Variants in SEMA5A observed in about 807,000 individuals in gnomAD.
The protein encoded by SEMA5A is semaphorin-5A.
A neutral mutation model predicts 135.5 loss-of-function variants in SEMA5A; 55 were observed. The observed-to-expected ratio is 0.41, with a 90% confidence interval of 0.33 to 0.51. SEMA5A has a LOEUF of 0.51. Among genes scored for constraint, SEMA5A ranks in the 20% least tolerant of loss-of-function variants. The pLI, the probability that SEMA5A is intolerant of heterozygous loss-of-function variation, is 0.37. For synonymous variants in SEMA5A, 580 were observed against 546.5 expected, an observed-to-expected ratio of 1.06 and a Z score of -0.85; for missense variants, 1,290 against 1,419.9, an observed-to-expected ratio of 0.91 and a Z score of 1.47.
intron 1 of SEMA5A, among the ~76,000 whole-genome samples, chr5:9,496,966 T>C (rs1030393569): frequency 1.3e-5 from 2 of 152,240 alleles, no homozygotes; most frequent in Non-Finnish European, 2.9e-5. Flanking sequence ...TTAATATGCA[T>C]AGAGAGAACA....
chr5:9,123,203 G>A (rs1740911597), intron 13 of SEMA5A, among the ~76,000 whole-genome samples: 2 of 135,548 alleles, frequency 1.5e-5, no homozygotes, highest in Admixed American at 8.5e-5. Context: ...AGCTTGCAGT[G>A]AGCCGAGATC....
intron 1 of SEMA5A, among the ~76,000 whole-genome samples, chr5:9,483,329 GGAAAGA>G: frequency 6.6e-6 from 1 of 151,962 alleles, no homozygotes; most frequent in Non-Finnish European, 1.5e-5. Context: ...TCTCAGTAAG[GGAAAGA>G]TTTCTCGTCC....
chr5:9,167,988 TAGC>T (rs1309074550), intron 11 of SEMA5A, among the ~76,000 whole-genome samples: 1 of 152,150 alleles, frequency 6.6e-6, no homozygotes, highest in East Asian at 1.9e-4. Flanking sequence ...TGCCAAGAAA[TAGC>T]AGAATAACCA....
chr5:9,351,943 A>G (rs1046322004), intron 3 of SEMA5A, among the ~76,000 whole-genome samples: 6 of 152,002 alleles, frequency 3.9e-5, no homozygotes, highest in African/African-American at 7.3e-5. Flanking sequence ...GCTGCTTTTC[A>G]CTTCTCTCTC....
At chr5:9,431,114 T>C (rs1757841879) in intron 2 of SEMA5A, among the ~76,000 whole-genome samples, 1 of 152,210 alleles carries the variant, frequency 6.6e-6, no homozygotes, top group Non-Finnish European at 1.5e-5. Flanking sequence ...CTAGCTGGAA[T>C]ATTGTGATTG....
chr5:9,312,119 A>G (rs1419776895), intron 5 of SEMA5A, among the ~76,000 whole-genome samples: 1 of 152,148 alleles, frequency 6.6e-6, no homozygotes. Flanking sequence ...AGATGGGCAA[A>G]TGCTGTGAAT....
chr5:9,222,493 G>T (rs1021704594), intron 8 of SEMA5A, among the ~76,000 whole-genome samples: 2 of 152,140 alleles, frequency 1.3e-5, no homozygotes, highest in African/African-American at 4.8e-5. Flanking sequence ...GGGGAGGGCG[G>T]TGGAAATGCT....
chr5:9,473,292 CAAACTT>C (rs1759545336), intron 1 of SEMA5A, among the ~76,000 whole-genome samples: 1 of 133,394 alleles, frequency 7.5e-6, no homozygotes, highest in African/African-American at 2.8e-5. Flanking sequence ...ATAACAAAAA[CAAACTT>C]AAAAACTCTA....
chr5:9,107,117 A>G (rs961429028), intron 16 of SEMA5A, among the ~76,000 whole-genome samples: 1 of 152,202 alleles, frequency 6.6e-6, no homozygotes, highest in Non-Finnish European at 1.5e-5. Flanking sequence ...GCAAAGGCCA[A>G]CTGGAAAGAT....
intron 1 of SEMA5A, among the ~76,000 whole-genome samples, chr5:9,493,250 AAT>A (rs766939290): frequency 1.3e-5 from 2 of 150,378 alleles, no homozygotes; most frequent in African/African-American, 4.9e-5. Context: ...TAAATATATA[AAT>A]ATATATACCT....
chr5:9,194,015 A>T (rs1368844767), intron 10 of SEMA5A, among the ~76,000 whole-genome samples: 2 of 152,188 alleles, frequency 1.3e-5, no homozygotes, highest in Non-Finnish European at 2.9e-5. Flanking sequence ...ACTACATTTG[A>T]GGGTCTATTC....
chr5:9,273,199 T>G (rs960730045), intron 5 of SEMA5A, among the ~76,000 whole-genome samples: 8 of 152,056 alleles, frequency 5.3e-5, no homozygotes, highest in African/African-American at 1.9e-4. Flanking sequence ...CATACACAAG[T>G]ATCAATAGCT....
chr5:9,446,801 T>C (rs895966358), intron 1 of SEMA5A, among the ~76,000 whole-genome samples: 1 of 152,200 alleles, frequency 6.6e-6, no homozygotes, highest in African/African-American at 2.4e-5. Flanking sequence ...TTTAACTCTT[T>C]AAAAAATTAT....
At chr5:9,421,327 A>G (rs1757460011) in intron 2 of SEMA5A, among the ~76,000 whole-genome samples, 1 of 152,252 alleles carries the variant, frequency 6.6e-6, no homozygotes, top group Admixed American at 6.5e-5. Flanking sequence ...CATCTGAGAC[A>G]TTCTTACAAC....
intron 5 of SEMA5A, among the ~76,000 whole-genome samples, chr5:9,283,608 C>T (rs1750649738): frequency 6.6e-6 from 1 of 152,152 alleles, no homozygotes; most frequent in African/African-American, 2.4e-5. Context: ...TAATTATGGT[C>T]CTGCTCACAT....
chr5:9,296,161 C>T (rs1381938701), intron 5 of SEMA5A, among the ~76,000 whole-genome samples: 1 of 152,038 alleles, frequency 6.6e-6, no homozygotes, highest in Admixed American at 6.6e-5. Flanking sequence ...TTGAACCCCA[C>T]AGAAGGAAAG....
chr5:9,508,003 C>CA (rs767047665), intron 1 of SEMA5A, among the ~76,000 whole-genome samples: 1,263 of 25,760 alleles, frequency 0.049, 27 homozygotes, highest in African/African-American at 0.17. Flanking sequence ...GACTCTGTCT[C>CA]AAAAAAAAAA....
At chr5:9,058,819 T>C (rs1737029822) in intron 18 of SEMA5A, among the ~76,000 whole-genome samples, 1 of 152,304 alleles carries the variant, frequency 6.6e-6, no homozygotes, top group African/African-American at 2.4e-5. Flanking sequence ...CTGGACTACA[T>C]AGGTTTGCAC....
rs149604080 is a variant in SEMA5A at position 9,338,654 on chromosome 5, C to T, written c.125-842G>A. 4.1e-4 allele frequency among the ~76,000 whole-genome samples: 63 copies of T among 152,240 alleles called. 2 individuals are homozygous for T. Among genetic ancestry groups the T allele is most frequent in the African/African-American group, 1.3e-3 (55 of 41,556 alleles). The stretch of plus-strand genomic sequence containing the variant: ...ACAATTAACCATAACATCTGATTGT[C>T]GTTTTTTCTTGGATTTAGTATTTTG... On this transcript the variant is annotated intron_variant, in intron 3 of 22. Transcript: ENST00000382496.
Sources: gnomAD v4.1 joint callset for allele counts (sites outside exome capture counted in the v4.1 genomes callset) on GRCh38, gnomAD v4.1.1 for gene constraint, MANE v1.5 for transcripts, NCBI Gene and HGNC (gene_info 2026-07-23, HGNC 2026-07-21) for gene names.